Variants in HACD2 observed in about 807,000 individuals in gnomAD.
HACD2 encodes 3-hydroxyacyl-CoA dehydratase 2.
In HACD2, 15 loss-of-function variants were observed where a neutral mutation model predicts 31.0. The observed-to-expected ratio is 0.48, with a 90% CI of 0.32 to 0.75. The LOEUF is 0.75. Ranked by LOEUF, HACD2 falls within the 30% of genes least tolerant of loss-of-function variation. The probability of loss-of-function intolerance (pLI) is 0.03; values close to 1 mark genes in which losing one functional copy is unlikely to be tolerated. For synonymous variants in HACD2, 115 were observed against 122.2 expected (o/e 0.94, Z 0.39); for missense variants, 283 against 313.0 (o/e 0.90, Z 0.72).
chr3:123,508,007 A>G (rs375212267), intron 4 of HACD2, among the ~76,000 whole-genome samples: 1 of 109,426 alleles, frequency 9.1e-6, no homozygotes, highest in African/African-American at 2.9e-5. Flanking sequence ...TTAAAAAAAG[A>G]AAAAAAAAGG....
chr3:123,503,583 CTGCCG>C (rs1355436626), intron 4 of HACD2, among the ~76,000 whole-genome samples: 1 of 152,022 alleles, frequency 6.6e-6, no homozygotes, highest in African/African-American at 2.4e-5. Flanking sequence ...TGAAAATTTA[CTGCCG>C]TGGTTTTAAC....
chr3:123,509,500 TTC>T (rs71813600), intron 4 of HACD2, among the ~76,000 whole-genome samples: 72,465 of 118,562 alleles, frequency 0.61, 21,164 homozygotes, highest in Non-Finnish European at 0.71. Context: ...TTCCTGTGAC[TTC>T]TTTTTTTTTT....
chr3:123,564,764 G>T (rs2056773234), intron 3 of HACD2, among the ~76,000 whole-genome samples: 1 of 152,158 alleles, frequency 6.6e-6, no homozygotes, highest in African/African-American at 2.4e-5. Context: ...AAGACAGAGT[G>T]CTCTGAGCAT....
In HACD2 at chr3:123,563,956, C is replaced by T. The variant is rs187998833; in HGVS notation, c.292+3806G>A. 9.2e-5 allele frequency among the ~76,000 whole-genome samples: 14 copies of T among 152,248 alleles called. 1 individual carries two copies. In the East Asian group the frequency reaches 1.4e-3, roughly 15 times the overall value. On this transcript the variant is annotated intron_variant, in intron 3 of 6. Transcript: ENST00000383657. ...AAGATACATGGGAATCCAGATGAGA[C>T]GTACTGAGGTCCCAAGTAGGGATGA...
At chr3:123,497,841 G>A (rs905576102) in intron 6 of HACD2, among the ~76,000 whole-genome samples, 1 of 152,202 alleles carries the variant, frequency 6.6e-6, no homozygotes, top group African/African-American at 2.4e-5. Context: ...AACAGATGAG[G>A]CCCATGAAAA....
At chr3:123,532,666 C>T (rs375776156) in intron 3 of HACD2, among the ~76,000 whole-genome samples, 6 of 151,940 alleles carry the variant, frequency 3.9e-5, no homozygotes, top group East Asian at 1.9e-4. Context: ...GGTGAAACCC[C>T]GTCTCTACTA....
chr3:123,510,932 G>GTTTTTTTTTTTGTTTTTTT (rs1559902782), intron 4 of HACD2, among the ~76,000 whole-genome samples: 1 of 142,606 alleles, frequency 7.0e-6, no homozygotes, highest in Non-Finnish European at 1.5e-5. Context: ...CATTTGCTGT[G>GTTTTTTTTTTTGTTTTTTT]TTTTTTTTTT....
intron 3 of HACD2, among the ~76,000 whole-genome samples, chr3:123,530,870 T>A (rs1576755010): frequency 6.6e-6 from 1 of 152,076 alleles, no homozygotes; most frequent in East Asian, 1.9e-4. Flanking sequence ...TTTTTGTTGT[T>A]GTTGTTGTTG....
At chr3:123,545,424 G>C (rs2056547029) in intron 3 of HACD2, among the ~76,000 whole-genome samples, 1 of 150,968 alleles carries the variant, frequency 6.6e-6, no homozygotes, top group Non-Finnish European at 1.5e-5. Flanking sequence ...AGAGGTTGCA[G>C]TGAGCCAAGA....
intron 3 of HACD2, among the ~76,000 whole-genome samples, chr3:123,534,850 AAG>A (rs1278632879): frequency 6.6e-6 from 1 of 150,542 alleles, no homozygotes; most frequent in East Asian, 1.9e-4. Context: ...AGAGTAAAAA[AAG>A]AAATTAAAAA....
chr3:123,573,937 C>T (rs2056881096), intron 2 of HACD2, among the ~76,000 whole-genome samples: 1 of 152,210 alleles, frequency 6.6e-6, no homozygotes, highest in Non-Finnish European at 1.5e-5. Context: ...GTTGAAGTCT[C>T]ACAGAACTTA....
At chr3:123,584,545 A>C (rs2107767548) in intron 1 of HACD2, 1 of 223,590 alleles carries the variant, frequency 4.5e-6, no homozygotes, top group Non-Finnish European at 8.7e-6. Flanking sequence ...CGCCGCAGGT[A>C]GTCCGGCCGC....
intron 2 of HACD2, among the ~76,000 whole-genome samples, chr3:123,574,011 C>T (rs765346361): frequency 2.4e-4 from 36 of 152,098 alleles, no homozygotes; most frequent in Non-Finnish European, 4.9e-4. Flanking sequence ...GAATCGAGGG[C>T]GAGAGAGGTT....
chr3:123,532,764 G>A (rs2056379093), intron 3 of HACD2, among the ~76,000 whole-genome samples: 1 of 140,082 alleles, frequency 7.1e-6, no homozygotes, highest in Admixed American at 8.1e-5. Flanking sequence ...GAACCCGGGA[G>A]CAGAGTTTGC....
At chr3:123,576,666 G>C (rs905798579) in intron 2 of HACD2, among the ~76,000 whole-genome samples, 1 of 152,182 alleles carries the variant, frequency 6.6e-6, no homozygotes, top group African/African-American at 2.4e-5. Flanking sequence ...TGGGAAATCA[G>C]AATGTTTCCA....
intron 6 of HACD2, among the ~76,000 whole-genome samples, chr3:123,495,799 G>C (rs907281072): frequency 6.6e-6 from 1 of 152,102 alleles, no homozygotes; most frequent in South Asian, 2.1e-4. Flanking sequence ...AAGGTTACTG[G>C]CATTTGGCAT....
chr3:123,518,824 C>A (rs1357355071), intron 4 of HACD2, among the ~76,000 whole-genome samples: 1 of 151,820 alleles, frequency 6.6e-6, no homozygotes, highest in Non-Finnish European at 1.5e-5. Flanking sequence ...GGTGAAACCC[C>A]ATCTCTACTA....
chr3:123,541,644 T>C (rs2056491914), intron 3 of HACD2, among the ~76,000 whole-genome samples: 2 of 152,146 alleles, frequency 1.3e-5, no homozygotes, highest in Admixed American at 1.3e-4. Context: ...TCAAGTTCAA[T>C]TCAACACTTG....
At chr3:123,508,970 G>A (rs540920542) in intron 4 of HACD2, among the ~76,000 whole-genome samples, 1 of 152,070 alleles carries the variant, frequency 6.6e-6, no homozygotes, top group Admixed American at 6.6e-5. Flanking sequence ...CCCATCGTGA[G>A]GGCTCCACCT....
Sources: gnomAD v4.1 joint callset for allele counts (sites outside exome capture counted in the v4.1 genomes callset) on GRCh38, gnomAD v4.1.1 for gene constraint, MANE v1.5 for transcripts, NCBI Gene and HGNC (gene_info 2026-07-23, HGNC 2026-07-21) for gene names.